Variants in COLEC11 observed in about 807,000 individuals in gnomAD.
COLEC11 encodes the protein collectin-11.
In COLEC11, 20 loss-of-function variants were observed where a neutral mutation model predicts 27.3. The ratio of observed to expected loss-of-function variants is 0.73; its 90% CI spans 0.51 to 1.06. COLEC11 has a LOEUF of 1.06. Among genes scored for constraint, COLEC11 ranks in the 50% least tolerant of loss-of-function variants. COLEC11 has a pLI of 0.00. For missense variants in COLEC11, 310 were observed against 383.0 expected (o/e 0.81, Z 1.59); for synonymous variants, 163 against 154.7 (o/e 1.05, Z -0.40).
chr2:3,621,813 A>G (rs2147910772), intron 3 of COLEC11, among the ~76,000 whole-genome samples: 1 of 152,330 alleles, frequency 6.6e-6, no homozygotes, highest in South Asian at 2.1e-4. Flanking sequence ...ACAAAATTCT[A>G]CACTTTTACA....
intron 2 of COLEC11, chr2:3,606,003 TTTAA>T (rs1257800754): frequency 6.2e-6 from 9 of 1,460,208 alleles, no homozygotes; most frequent in East Asian, 5.0e-5. Flanking sequence ...TTAGAAAATG[TTTAA>T]TTATGTTGGA....
At chr2:3,610,325 G>C (rs1663090262) in intron 2 of COLEC11, among the ~76,000 whole-genome samples, 1 of 152,212 alleles carries the variant, frequency 6.6e-6, no homozygotes, top group Admixed American at 6.5e-5. Context: ...AGTATGAGAA[G>C]AGCTGGCAGA....
Position 3,617,653 on chromosome 2 carries a change from G to C in COLEC11, c.202+4271G>C, listed in dbSNP as rs1334430082. The C allele has an allele frequency of 8.1e-6, 13 of 1,611,806 alleles. No homozygotes were observed. In the African/African-American group the frequency reaches 1.3e-4, roughly 17 times the overall value. The stretch of plus-strand genomic sequence containing the variant: ...TCAGTTTCGACTTATCGAATTTCTC[G>C]ATCTCAGCCATATCGGGTTTGTCAG... On this transcript the variant is annotated intron_variant, in intron 3 of 6. Coordinates refer to ENST00000349077, the MANE Select transcript of COLEC11 (RefSeq NM_024027.5).
At chr2:3,605,745 C>T (rs1662636392) in intron 2 of COLEC11, 1 of 226,650 alleles carries the variant, frequency 4.4e-6, no homozygotes, top group Admixed American at 5.3e-5. Context: ...AGATTCAAAC[C>T]CATGATCAAA....
intron 1 of COLEC11, among the ~76,000 whole-genome samples, chr2:3,599,109 A>G (rs1043370026): frequency 3.9e-5 from 6 of 152,086 alleles, no homozygotes; most frequent in African/African-American, 1.4e-4. Context: ...CTCACCACAC[A>G]CTGGTTACGC....
chr2:3,622,012 A>G (rs1259275230), intron 3 of COLEC11, among the ~76,000 whole-genome samples: 2 of 151,998 alleles, frequency 1.3e-5, no homozygotes, highest in Non-Finnish European at 2.9e-5. Flanking sequence ...CCTCGTCTCT[A>G]CTAAAAATAC....
chr2:3,641,568 A>G, intron 5 of COLEC11: 1 of 494,490 alleles, frequency 2.0e-6, no homozygotes, highest in Non-Finnish European at 3.2e-6. Flanking sequence ...GGATCTCTCC[A>G]GAAAGCCTCT....
At chr2:3,632,839 C>T (rs982033914) in intron 3 of COLEC11, among the ~76,000 whole-genome samples, 4 of 152,186 alleles carry the variant, frequency 2.6e-5, no homozygotes, top group African/African-American at 9.7e-5. Flanking sequence ...AGCGTCAGAG[C>T]ACGGGAAAGA....
At chr2:3,606,136 G>T in intron 2 of COLEC11, 6 of 1,550,594 alleles carry the variant, frequency 3.9e-6, no homozygotes, top group Non-Finnish European at 5.2e-6. Flanking sequence ...CTTTAGGTTG[G>T]AAACGGTGGC....
At chr2:3,642,333 G>A (rs1304610230) in intron 5 of COLEC11, among the ~76,000 whole-genome samples, 1 of 152,194 alleles carries the variant, frequency 6.6e-6, no homozygotes, top group Non-Finnish European at 1.5e-5. Context: ...AGGCGTATGG[G>A]AACGGAATGA....
At chr2:3,597,921 TTTTTA>T (rs1391589059) in intron 1 of COLEC11, among the ~76,000 whole-genome samples, 4 of 152,122 alleles carry the variant, frequency 2.6e-5, no homozygotes, top group Admixed American at 6.5e-5. Context: ...GTATTTTTTA[TTTTTA>T]TTTTATTTTA....
chr2:3,637,891 G>A (rs1665549844), intron 4 of COLEC11, among the ~76,000 whole-genome samples: 1 of 152,222 alleles, frequency 6.6e-6, no homozygotes, highest in African/African-American at 2.4e-5. Context: ...GACTCTGGCT[G>A]TGTAGCCACA....
intron 3 of COLEC11, among the ~76,000 whole-genome samples, chr2:3,614,108 C>T (rs1340018036): frequency 1.3e-5 from 2 of 149,852 alleles, no homozygotes; most frequent in Non-Finnish European, 3.0e-5. Flanking sequence ...TGTTGAGTAG[C>T]TGGCATGTGC....
chr2:3,625,999 A>G, intron 3 of COLEC11: 9 of 1,607,640 alleles, frequency 5.6e-6, no homozygotes, highest in Non-Finnish European at 7.7e-6. Flanking sequence ...ATAACATTGT[A>G]TTTACTTTTT....
chr2:3,620,172 G>T (rs1458906138), intron 3 of COLEC11, among the ~76,000 whole-genome samples: 1 of 151,996 alleles, frequency 6.6e-6, no homozygotes, highest in Non-Finnish European at 1.5e-5. Context: ...GTAAAGTTTG[G>T]CATGAGGCTA....
intron 3 of COLEC11, among the ~76,000 whole-genome samples, chr2:3,632,375 A>G (rs1419192202): frequency 6.6e-6 from 1 of 152,140 alleles, no homozygotes; most frequent in African/African-American, 2.4e-5. Flanking sequence ...CAGGACAGAG[A>G]TGATTTCCTC....
At chr2:3,597,647 C>T (rs1661943836) in intron 1 of COLEC11, among the ~76,000 whole-genome samples, 1 of 151,940 alleles carries the variant, frequency 6.6e-6, no homozygotes, top group South Asian at 2.1e-4. Context: ...GGGAAATTCC[C>T]ATGTCAGCCT....
chr2:3,617,737 C>A, intron 3 of COLEC11: 1 of 1,393,302 alleles, frequency 7.2e-7, no homozygotes, highest in Non-Finnish European at 1.0e-6. Flanking sequence ...GTCTGGTCTG[C>A]GCAGTGGCCA....
At chr2:3,627,923 G>A (rs754328693) in intron 3 of COLEC11, among the ~76,000 whole-genome samples, 1 of 152,218 alleles carries the variant, frequency 6.6e-6, no homozygotes, top group East Asian at 1.9e-4. Context: ...TGGGAAGAGC[G>A]GGACCTGGGT....
Sources: allele counts gnomAD v4.1 joint callset (sites outside exome capture counted in the v4.1 genomes callset), GRCh38; gene constraint gnomAD v4.1.1; transcripts MANE v1.5; gene names NCBI Gene and HGNC (gene_info 2026-07-23, HGNC 2026-07-21).